CFAP70: variants seen among roughly 807,000 people sequenced by gnomAD.
CFAP70 encodes the protein cilia and flagella associated protein 70, also known as cilia- and flagella-associated protein 70.
Under a neutral mutation model 137.6 loss-of-function variants are expected in CFAP70, and 81 were observed. The ratio of observed to expected loss-of-function variants is 0.59; its 90% CI spans 0.49 to 0.71. The LOEUF (loss-of-function observed/expected upper bound fraction) is 0.71, where lower values mean the gene tolerates loss of function less well. Ranked by LOEUF, CFAP70 falls within the 30% of genes least tolerant of loss-of-function variation. The pLI, the probability that CFAP70 is intolerant of heterozygous loss-of-function variation, is 0.00. For synonymous variants in CFAP70, 382 were observed against 423.6 expected, an observed-to-expected ratio of 0.90 and a Z score of 1.20; for missense variants, 976 against 1,226.7, an observed-to-expected ratio of 0.80 and a Z score of 3.05.
intron 25 of CFAP70, among the ~76,000 whole-genome samples, chr10:73,256,786 C>A (rs1326404008): frequency 6.6e-6 from 1 of 151,206 alleles, no homozygotes; most frequent in Non-Finnish European, 1.5e-5. Context: ...GCCTGTAGTC[C>A]CAGCTACTAG....
intron 5 of CFAP70, 44 bp from the exon 7 acceptor site, chr10:73,341,625 T>G (rs757806665): frequency 1.5e-5 from 22 of 1,514,966 alleles, no homozygotes; most frequent in Non-Finnish European, 1.8e-5. Flanking sequence ...TGTAAAGGAC[T>G]TTGAAATGGA....
chr10:73,321,169 C>T lies in CFAP70; in HGVS notation c.912+1794G>A, dbSNP rs1011434163. On this transcript the variant is annotated intron_variant, in intron 9 of 26. Transcript: ENST00000310715. Reference sequence around the variant, plus strand: ...CAGTGGCTCATGCCTGTAATCCCAGCACTTTGGGAGGCCAAGGTGGGTGGA... The same window carrying T: ...CAGTGGCTCATGCCTGTAATCCCAGTACTTTGGGAGGCCAAGGTGGGTGGA... Among the ~76,000 whole-genome samples the T allele has an allele frequency of 3.9e-5, 6 of 152,180 alleles. No homozygotes were observed. The East Asian group carries it at 1.2e-3, about 29-fold the overall frequency.
chr10:73,272,129 G>A (rs1313997827), intron 24 of CFAP70, among the ~76,000 whole-genome samples: 1 of 152,112 alleles, frequency 6.6e-6, no homozygotes, highest in Non-Finnish European at 1.5e-5. Flanking sequence ...GAGGTCAGGA[G>A]TTCAAAACCA....
At chr10:73,310,224 A>G in exon 12 of CFAP70, 10 of 1,612,624 alleles carry the variant, frequency 6.2e-6, no homozygotes, top group Non-Finnish European at 8.5e-6. Flanking sequence ...TTCCAACACA[A>G]TGTATGTCCC....
At position 73,331,955 on chromosome 10, in the gene CFAP70, A is replaced by G. The variant is rs561525623; in HGVS notation, c.678-679T>C. Reference sequence around the variant, plus strand: ...AAAATAGTATCCAGTTTCAGCTCCAATACAGCTTTGAAGTAATCCCACCTG... The same window carrying G: ...AAAATAGTATCCAGTTTCAGCTCCAGTACAGCTTTGAAGTAATCCCACCTG... On this transcript the variant is annotated intron_variant, in intron 7 of 26. Transcript: ENST00000310715. Among the ~76,000 whole-genome samples the G allele has an allele frequency of 3.9e-5, 6 of 152,324 alleles. No individual in the cohort carries two copies. The South Asian group carries it at 8.3e-4, about 21-fold the overall frequency.
intron 12 of CFAP70, among the ~76,000 whole-genome samples, chr10:73,307,075 T>TAAC (rs2049441737): frequency 6.6e-6 from 1 of 152,166 alleles, no homozygotes; most frequent in Non-Finnish European, 1.5e-5. Context: ...AATAACAATG[T>TAAC]AACGGGAGGG....
upstream of CFAP70, among the ~76,000 whole-genome samples, chr10:73,360,809 T>C (rs185698810): frequency 2.5e-3 from 376 of 152,240 alleles, no homozygotes; most frequent in African/African-American, 8.6e-3. Context: ...TTCTACATAA[T>C]AAGCTGGGTT....
At chr10:73,272,849 A>AC (rs1392333409) in intron 24 of CFAP70, 79 bp downstream of exon 25, 1 of 1,260,748 alleles carries the variant, frequency 7.9e-7, no homozygotes, top group East Asian at 2.5e-5. Flanking sequence ...GTCATCACAA[A>AC]CCCCCAGGAT....
At chr10:73,297,301 G>A in intron 14 of CFAP70, 128 bp from the exon 16 acceptor site, 2 of 922,478 alleles carry the variant, frequency 2.2e-6, no homozygotes, top group South Asian at 2.1e-5. Flanking sequence ...CTCCCTTGGT[G>A]GGTGGTAGAC....
chr10:73,322,933 C>G, intron 9 of CFAP70, 30 bp downstream of exon 10: 1 of 1,558,566 alleles, frequency 6.4e-7, no homozygotes, highest in Non-Finnish European at 8.7e-7. Flanking sequence ...GATAAATTAC[C>G]ATGATGATTT....
At chr10:73,309,960 C>T (rs995375497) in intron 12 of CFAP70, among the ~76,000 whole-genome samples, 198 bp downstream of exon 13, 3 of 152,020 alleles carry the variant, frequency 2.0e-5, no homozygotes, top group African/African-American at 7.3e-5. Flanking sequence ...ACCCAGCTTC[C>T]TAAAAATTTT....
At chr10:73,312,485 C>A in exon 10 of CFAP70, 1 of 1,606,172 alleles carries the variant, frequency 6.2e-7, no homozygotes, top group Non-Finnish European at 8.5e-7. Context: ...CATCCCCAGG[C>A]CTAGGCCTTC....
intron 3 of CFAP70, among the ~76,000 whole-genome samples, chr10:73,353,194 T>G (rs1379001838): frequency 6.6e-6 from 1 of 152,226 alleles, no homozygotes; most frequent in Non-Finnish European, 1.5e-5. Context: ...AGATTTTATT[T>G]TCCTGGTCCA....
chr10:73,301,576 T>C (rs2048958406), intron 12 of CFAP70, among the ~76,000 whole-genome samples: 1 of 152,144 alleles, frequency 6.6e-6, no homozygotes, highest in Non-Finnish European at 1.5e-5. Flanking sequence ...GATAAACGGC[T>C]GCTTAGACTT....
intron 2 of CFAP70, among the ~76,000 whole-genome samples, chr10:73,354,287 AGC>A (rs2054504139): frequency 6.6e-6 from 1 of 152,204 alleles, no homozygotes; most frequent in African/African-American, 2.4e-5. Flanking sequence ...AACAAAGTGG[AGC>A]TCATTAATTA....
chr10:73,299,566 T>G (rs1474092000), intron 13 of CFAP70, 39 bp downstream of exon 14: 2 of 1,572,408 alleles, frequency 1.3e-6, no homozygotes, highest in Middle Eastern at 1.7e-4. Context: ...GCACTCAATA[T>G]CTTATTACTT....
chr10:73,290,062 A>G (rs1373231421), intron 19 of CFAP70, among the ~76,000 whole-genome samples: 1 of 151,224 alleles, frequency 6.6e-6, no homozygotes, highest in East Asian at 1.9e-4. Flanking sequence ...AAAAAAAAAG[A>G]CTTGTAGATG....
At chr10:73,266,949 T>C (rs2045835848) in intron 25 of CFAP70, among the ~76,000 whole-genome samples, 1 of 149,232 alleles carries the variant, frequency 6.7e-6, no homozygotes, top group Admixed American at 6.6e-5. Flanking sequence ...TTTACTACTT[T>C]ATTTATTTAA....
rs555411826 is a variant in CFAP70 at position 73,328,158 on chromosome 10, A to T, written c.777+3019T>A. Among the ~76,000 whole-genome samples the T allele has an allele frequency of 4.5e-4, 68 of 152,342 alleles. 1 individual carries two copies. The East Asian group carries it at 0.011, about 25-fold the overall frequency. The stretch of plus-strand genomic sequence containing the variant: ...AAACAGAGATATAGATCAATGGAAC[A>T]GAACAGAGCCCTGAGAAATAACACC... On this transcript the variant is annotated intron_variant, in intron 8 of 26. Transcript: ENST00000310715.
Sources: gnomAD v4.1 joint callset for allele counts (sites outside exome capture counted in the v4.1 genomes callset) on GRCh38, gnomAD v4.1.1 for gene constraint, MANE v1.5 for transcripts, NCBI Gene and HGNC (gene_info 2026-07-23, HGNC 2026-07-21) for gene names.